The following ABI3BP variants were observed in gnomAD, a reference collection of about 807,000 sequenced individuals.
ABI3BP encodes the protein ABI family member 3 binding protein, also known as target of Nesh-SH3.
A neutral mutation model predicts 268.6 loss-of-function variants in ABI3BP; 216 were observed. The ratio of observed to expected loss-of-function variants is 0.80; its 90% CI spans 0.72 to 0.90. ABI3BP has a LOEUF of 0.90. Ranked by LOEUF, ABI3BP falls within the 40% of genes least tolerant of loss-of-function variation. ABI3BP has a pLI of 0.00. For missense variants in ABI3BP, 2,090 were observed against 2,182.4 expected, an observed-to-expected ratio of 0.96 and a Z score of 0.84; for synonymous variants, 730 against 730.0, an observed-to-expected ratio of 1.00 and a Z score of 0.00.
At chr3:100,918,903 G>C (rs979720900) in intron 2 of ABI3BP, among the ~76,000 whole-genome samples, 7 of 152,194 alleles carry the variant, frequency 4.6e-5, no homozygotes, top group African/African-American at 9.6e-5. Flanking sequence ...CCATACAGTA[G>C]GTGAGCAGTG....
chr3:100,822,440 A>G (rs748888165), intron 38 of ABI3BP, 149 bp downstream of exon 38: 7 of 610,822 alleles, frequency 1.1e-5, no homozygotes, highest in Non-Finnish European at 1.1e-5. Flanking sequence ...TGTTTCTCTT[A>G]CATCTTCACA....
intron 14 of ABI3BP, among the ~76,000 whole-genome samples, chr3:100,857,670 C>T (rs2098954595): frequency 6.6e-6 from 1 of 152,168 alleles, no homozygotes; most frequent in South Asian, 2.1e-4. Flanking sequence ...TATGTCATTG[C>T]TTTACTTTTA....
At chr3:100,764,272 G>T (rs543068941) in intron 63 of ABI3BP, among the ~76,000 whole-genome samples, 284 of 152,230 alleles carry the variant, frequency 1.9e-3, no homozygotes, top group African/African-American at 6.4e-3. Flanking sequence ...TCCCACCCTG[G>T]GATCCCATAG....
intron 22 of ABI3BP, 50 bp downstream of exon 22, chr3:100,840,770 A>G: frequency 1.4e-6 from 2 of 1,440,362 alleles, no homozygotes; most frequent in Non-Finnish European, 1.9e-6. Flanking sequence ...CACAGATACC[A>G]GCAGACAGGA....
At chr3:100,860,284 A>G (rs2098983673) in intron 14 of ABI3BP, among the ~76,000 whole-genome samples, 1 of 152,170 alleles carries the variant, frequency 6.6e-6, no homozygotes, top group African/African-American at 2.4e-5. Flanking sequence ...GGAAGCTTCT[A>G]TGGCTAATGT....
chr3:100,795,674 T>TAA, intron 53 of ABI3BP, 130 bp downstream of exon 53: 1 of 761,946 alleles, frequency 1.3e-6, no homozygotes, highest in Non-Finnish European at 1.8e-6. Flanking sequence ...TTGGAAAGAG[T>TAA]AATAATAATG....
intron 1 of ABI3BP, among the ~76,000 whole-genome samples, chr3:100,927,577 CAGA>C (rs1435333289): frequency 1.3e-5 from 2 of 152,098 alleles, no homozygotes; most frequent in Non-Finnish European, 2.9e-5. Context: ...ACTTTCATGG[CAGA>C]AGGTGAAAGC....
chr3:100,790,264 C>T (rs1295458538), intron 55 of ABI3BP, among the ~76,000 whole-genome samples: 1 of 151,950 alleles, frequency 6.6e-6, no homozygotes, highest in African/African-American at 2.4e-5. Context: ...GATATTAATG[C>T]ATCCTAAGGT....
intron 1 of ABI3BP, among the ~76,000 whole-genome samples, chr3:100,938,439 GA>G (rs1174990413): frequency 6.6e-6 from 1 of 152,074 alleles, no homozygotes; most frequent in African/African-American, 2.4e-5. Context: ...GGAATCCAAG[GA>G]AAGGTATTAA....
chr3:100,838,225 G>A lies in ABI3BP; in HGVS notation c.2068C>T (p.Pro690Ser), dbSNP rs1166955929. The change falls in exon 26 of 68, where the codon CCA becomes TCA. Residue 690 changes from proline to serine, a missense_variant. By Grantham distance (74) the Pro-to-Ser change is moderately conservative. Transcript: ENST00000471714. ...TTATGTTTACCGGATTTAGTTGGTG[G>A]CATGTCTGGTTCTGCTGTGGTTTGG... is the stretch of plus-strand genomic sequence containing the variant. ...KPQTTAEPDM[P>S]PTKSVSEPVP... 1 of 1,536,140 alleles carries A rather than the reference G, an allele frequency of 6.5e-7. No individual in the cohort carries two copies. Among genetic ancestry groups the A allele is most frequent in the Non-Finnish European group, 8.7e-7 (1 of 1,146,666 alleles).
Position 100,874,866 on chromosome 3 carries a change from A to T in ABI3BP, c.885T>A (p.Ile295=). The change falls in exon 9 of 68, where the codon ATT becomes ATA. Residue 295 remains isoleucine, a synonymous_variant. Coordinates refer to ENST00000471714, the MANE Select transcript of ABI3BP (RefSeq NM_001375547.2). ...VKLPASLMFE[I]SDALKTQLAK... is the part of the protein sequence containing the mutation. ...CTAATTGTGTCTTGAGTGCATCTGA[A>T]ATCTCAAACATTAGGGATGCAGGAA... 9 of 1,598,408 alleles carry T rather than the reference A, an allele frequency of 5.6e-6. No homozygotes were observed. The highest frequency in any genetic ancestry group is 7.7e-6 in the Non-Finnish European group (9 of 1,171,096).
At chr3:100,911,204 C>G in intron 2 of ABI3BP, 1 of 394,288 alleles carries the variant, frequency 2.5e-6, no homozygotes, top group South Asian at 3.1e-5. Flanking sequence ...TCAGGAATGT[C>G]AGTGTGTTCT....
chr3:100,858,168 C>G lies in ABI3BP; in HGVS notation c.1285+4143G>C, dbSNP rs569918021. Among the ~76,000 whole-genome samples, 11 of 152,270 alleles carry G rather than the reference C, an allele frequency of 7.2e-5. 1 individual carries two copies. In the South Asian group the frequency reaches 1.7e-3, roughly 23 times the overall value. ...CAAAATTTATAGGTAATTTTATATT[C>G]TGATACATAATTATAGAGAAGGTTT... On this transcript the variant is annotated intron_variant, in intron 14 of 67. Coordinates refer to ENST00000471714, the MANE Select transcript of ABI3BP (RefSeq NM_001375547.2).
Position 100,811,718 on chromosome 3 carries a change from C to A in ABI3BP, c.3493+10G>T, listed in dbSNP as rs12488753. On this transcript the variant is annotated intron_variant, in intron 47 of 67. Coordinates refer to ENST00000471714, the MANE Select transcript of ABI3BP (RefSeq NM_001375547.2). Reference sequence around the variant, plus strand: ...GAATAAATGAATCAAAGCATTAAAACCTTTGCTACCTTCAGTCTTTGGCTC... The same window carrying A: ...GAATAAATGAATCAAAGCATTAAAAACTTTGCTACCTTCAGTCTTTGGCTC... 13,131 of 1,533,786 alleles carry A rather than the reference C, an allele frequency of 8.6e-3. 232 individuals carry two copies. Among genetic ancestry groups the A allele is most frequent in the Admixed American group, 0.065 (3,287 of 50,908 alleles).
At chr3:100,855,807 A>G (rs1324608355) in intron 14 of ABI3BP, among the ~76,000 whole-genome samples, 1 of 152,272 alleles carries the variant, frequency 6.6e-6, no homozygotes, top group Non-Finnish European at 1.5e-5. Flanking sequence ...TACAGCAAGT[A>G]GCTAGAGGAG....
intron 2 of ABI3BP, among the ~76,000 whole-genome samples, chr3:100,917,188 A>G (rs1402898351): frequency 6.6e-6 from 1 of 152,186 alleles, no homozygotes; most frequent in Non-Finnish European, 1.5e-5. Context: ...AGGGAAGGTG[A>G]GACTCAGCTC....
At chr3:100,910,889 T>G (rs2056145158) in intron 2 of ABI3BP, 1 of 154,038 alleles carries the variant, frequency 6.5e-6, no homozygotes, top group Non-Finnish European at 1.4e-5. Context: ...CTCAACATAG[T>G]AAAAACAATA....
chr3:100,842,670 A>G (rs540784649), intron 20 of ABI3BP, among the ~76,000 whole-genome samples: 13 of 152,196 alleles, frequency 8.5e-5, no homozygotes, highest in African/African-American at 1.7e-4. Flanking sequence ...ATTAAATAAC[A>G]GTATCTAAAT....
intron 1 of ABI3BP, among the ~76,000 whole-genome samples, chr3:100,981,539 C>G (rs1211543564): frequency 6.6e-6 from 1 of 152,200 alleles, no homozygotes. Context: ...ACTGACCAGA[C>G]AGACTGCAGC....
Sources: allele counts gnomAD v4.1 joint callset (sites outside exome capture counted in the v4.1 genomes callset), GRCh38; gene constraint gnomAD v4.1.1; transcripts MANE v1.5; gene names NCBI Gene and HGNC (gene_info 2026-07-23, HGNC 2026-07-21).